Variants in IQSEC1 observed in about 807,000 individuals in gnomAD.
The protein encoded by IQSEC1 is IQ motif and SEC7 domain-containing protein 1.
A neutral mutation model predicts 91.0 loss-of-function variants in IQSEC1; 31 were observed. The ratio of observed to expected loss-of-function variants is 0.34; its 90% CI spans 0.26 to 0.46. The LOEUF (loss-of-function observed/expected upper bound fraction) is 0.46, where lower values mean the gene tolerates loss of function less well. Ranked by LOEUF, IQSEC1 falls within the 20% of genes least tolerant of loss-of-function variation. The pLI is 1.00. For missense variants in IQSEC1, 1,388 were observed against 1,575.6 expected, an observed-to-expected ratio of 0.88 and a Z score of 2.02; for synonymous variants, 699 against 662.6, an observed-to-expected ratio of 1.05 and a Z score of -0.84.
intron 2 of IQSEC1, among the ~76,000 whole-genome samples, chr3:13,082,082 G>A (rs1315149484): frequency 1.3e-5 from 2 of 152,150 alleles, no homozygotes; most frequent in African/African-American, 2.4e-5. Flanking sequence ...AGTGGCCCCC[G>A]AGTCGCGCAG....
At chr3:13,266,935 C>A (rs1695501612) in intron 1 of IQSEC1, among the ~76,000 whole-genome samples, 1 of 152,018 alleles carries the variant, frequency 6.6e-6, no homozygotes, top group Admixed American at 6.5e-5. Context: ...CCGCTGCACC[C>A]CTGACCCCTG....
intron 2 of IQSEC1, among the ~76,000 whole-genome samples, chr3:12,939,268 T>C (rs1283550605): frequency 6.6e-6 from 1 of 152,242 alleles, no homozygotes; most frequent in Non-Finnish European, 1.5e-5. Context: ...GGCCCTCACT[T>C]GTCCCTTCAA....
chr3:12,950,406 G>A (rs1051467558), intron 1 of IQSEC1, among the ~76,000 whole-genome samples: 4 of 152,182 alleles, frequency 2.6e-5, no homozygotes, highest in Non-Finnish European at 5.9e-5. Context: ...GGTGGCTCAC[G>A]CCTGCAATCC....
chr3:13,013,266 C>G (rs1702972931), intron 1 of IQSEC1, among the ~76,000 whole-genome samples: 1 of 152,194 alleles, frequency 6.6e-6, no homozygotes, highest in African/African-American at 2.4e-5. Context: ...CCAGGCCCGG[C>G]TGATAGCCAC....
chr3:13,065,479 C>T (rs566786438), intron 1 of IQSEC1, among the ~76,000 whole-genome samples: 1 of 152,318 alleles, frequency 6.6e-6, no homozygotes, highest in South Asian at 2.1e-4. Context: ...CTTTTGTAAG[C>T]TAAACTTCAT....
intron 2 of IQSEC1, among the ~76,000 whole-genome samples, chr3:13,091,688 T>C (rs1705864562): frequency 6.6e-6 from 1 of 152,206 alleles, no homozygotes; most frequent in Non-Finnish European, 1.5e-5. Context: ...ACCTGTCTGT[T>C]CACCCCAGCT....
chr3:13,172,698 G>C (rs1428672460), intron 1 of IQSEC1, among the ~76,000 whole-genome samples: 1 of 152,192 alleles, frequency 6.6e-6, no homozygotes, highest in Admixed American at 6.5e-5. Context: ...TTGTCCCCTG[G>C]GTGCAGATGA....
intron 1 of IQSEC1, among the ~76,000 whole-genome samples, chr3:13,009,102 C>G (rs867171016): frequency 2.0e-5 from 3 of 152,342 alleles, no homozygotes; most frequent in Non-Finnish European, 4.4e-5. Flanking sequence ...ATCCTGACAG[C>G]CTGTGAAGTG....
chr3:13,231,312 C>T (rs891993193), intron 1 of IQSEC1, among the ~76,000 whole-genome samples: 1 of 152,158 alleles, frequency 6.6e-6, no homozygotes, highest in Non-Finnish European at 1.5e-5. Context: ...CACATGTGTG[C>T]ATCTGTCTCT....
chr3:12,937,680 G>A (rs893934405), intron 2 of IQSEC1, among the ~76,000 whole-genome samples: 2 of 152,254 alleles, frequency 1.3e-5, no homozygotes, highest in African/African-American at 4.8e-5. Context: ...CTGGGAGACA[G>A]AGGCCAAGGG....
intron 1 of IQSEC1, among the ~76,000 whole-genome samples, chr3:13,053,691 G>T (rs1704777291): frequency 6.6e-6 from 1 of 152,176 alleles, no homozygotes; most frequent in African/African-American, 2.4e-5. Context: ...CCCAGGAGGG[G>T]CCTGAGGCAG....
rs1303118898 is a variant in IQSEC1, at chr3:12,902,658, CAAAAAAAAAACCAAAAAAAAAAAAAAA to C, written c.2805+88_2805+114del. On this transcript the variant is annotated intron_variant, in intron 13 of 13. Coordinates refer to ENST00000613206, the MANE Select transcript of IQSEC1 (RefSeq NM_001134382.3). Reference sequence around the variant, plus strand: ...AAGGAAAAGCCAAAAAAAAAAACAACAAAAAAAAAACCAAAAAAAAAAAAAAAAAAAAAAAACCAGGACAACAGATAT... The same window carrying C: ...AAGGAAAAGCCAAAAAAAAAAACAACAAAAAAAAACCAGGACAACAGATAT... 1.2e-4 allele frequency: 33 copies of C among 268,656 alleles called. 1 individual carries two copies. Among genetic ancestry groups the C allele is most frequent in the African/African-American group, 4.5e-4 (9 of 19,924 alleles). The allele number at this position is 268,656 out of a possible 1,614,324, so 16.6% of individuals were successfully genotyped here. A position where few individuals can be genotyped will look rare whatever the true frequency, so the allele number is the denominator to read the frequency against.
chr3:13,095,972 AAGAACCCTCTG>A (rs1344540389), intron 2 of IQSEC1, among the ~76,000 whole-genome samples: 2 of 152,132 alleles, frequency 1.3e-5, no homozygotes, highest in African/African-American at 2.4e-5. Context: ...ATGGGGTGGG[AAGAACCCTCTG>A]AGTCGTCCAA....
At chr3:13,054,559 C>A (rs1348067765) in intron 1 of IQSEC1, among the ~76,000 whole-genome samples, 1 of 152,234 alleles carries the variant, frequency 6.6e-6, no homozygotes, top group Non-Finnish European at 1.5e-5. Flanking sequence ...TCCACCCCGT[C>A]ACGTTGCCAG....
chr3:13,202,719 T>C (rs148878358), intron 1 of IQSEC1, among the ~76,000 whole-genome samples: 1 of 152,086 alleles, frequency 6.6e-6, no homozygotes, highest in Admixed American at 6.5e-5. Context: ...GACGGTTGTA[T>C]GACAATATGA....
rs115433229 is a variant in IQSEC1, at chr3:12,909,609, G to A, written c.2417-175C>T. Among the ~76,000 whole-genome samples, 166 of 152,326 alleles carry A rather than the reference G, an allele frequency of 1.1e-3. 3 individuals are homozygous for A. Among genetic ancestry groups the A allele is most frequent in the South Asian group, 8.3e-3 (40 of 4,828 alleles). ...GGGGTGCAGAGCAACCTCATCTCCC[G>A]ACTTGGGAAAGATGGTCTGTGTCGC... On this transcript the variant is annotated intron_variant, in intron 10 of 13. Transcript: ENST00000613206. The surrounding 1 kb of genome is among the most constrained non-coding windows in gnomAD (Gnocchi z 4.9).
chr3:12,901,218 G>A lies in IQSEC1; in HGVS notation c.3110C>T (p.Pro1037Leu). Residue 1037 changes from proline to leucine, a missense_variant, in exon 14 of 14, where the codon CCT becomes CTT. Physicochemically the swap from Pro to Leu is moderately conservative, Grantham distance 98. This residue lies in a region of IQSEC1 where 329 missense variants were observed against 257.8 expected (regional missense o/e 1.28). Transcript: ENST00000613206. ...GTGGTGGTGATGGTGGTACGGGGGA[G>A]GGTTCTGCATGTGGCAGTACTGGGT... ...HHTQYCHMQN[P>L]PPYHHHHHHH... is the part of the protein sequence containing the mutation. 1.3e-6 allele frequency: 2 copies of A among 1,548,000 alleles called. No individual in the cohort carries two copies. The highest frequency in any genetic ancestry group is 1.7e-6 in the Non-Finnish European group (2 of 1,145,954).
rs113378078 is a variant in IQSEC1 at position 13,234,023 on chromosome 3, G to A, written c.272+48688C>T. ...ATGACTGACAAGGCGAAACTGACGC[G>A]CTCTGCATGCCACTTCCGGGATCCC... On this transcript the variant is annotated intron_variant, in intron 1 of 15. Transcript: ENST00000648114. Among the ~76,000 whole-genome samples the A allele has an allele frequency of 8.5e-3, 1,302 of 152,332 alleles. 16 individuals carry two copies. Among genetic ancestry groups the A allele is most frequent in the African/African-American group, 0.03 (1,247 of 41,574 alleles).
chr3:13,269,508 G>A (rs7614480), intron 1 of IQSEC1, among the ~76,000 whole-genome samples: 11,757 of 152,236 alleles, frequency 0.077, 648 homozygotes, highest in African/African-American at 0.15. Context: ...CCCTACCCAG[G>A]GAACAGGTCA....
Sources: allele counts gnomAD v4.1 joint callset (sites outside exome capture counted in the v4.1 genomes callset), GRCh38; gene constraint gnomAD v4.1.1; regional missense constraint gnomAD v4.1.1; non-coding constraint Gnocchi (gnomAD v3.1); transcripts MANE v1.5; gene names NCBI Gene and HGNC (gene_info 2026-07-23, HGNC 2026-07-21).